Variants in HMCN2 observed in about 807,000 individuals in gnomAD.
HMCN2 encodes the protein hemicentin-2.
A neutral mutation model predicts 377.5 loss-of-function variants in HMCN2; 325 were observed. The observed-to-expected ratio is 0.86, with a 90% CI of 0.79 to 0.94. HMCN2 has a LOEUF of 0.94. Among genes scored for constraint, HMCN2 ranks in the 40% least tolerant of loss-of-function variants. HMCN2 has a pLI of 0.00. For synonymous variants in HMCN2, 2,007 were observed against 2,046.8 expected (o/e 0.98, Z 0.53); for missense variants, 4,543 against 4,725.3 (o/e 0.96, Z 1.13).
At chr9:130,390,331 C>A (rs1842244496) in intron 62 of HMCN2, among the ~76,000 whole-genome samples, 1 of 151,916 alleles carries the variant, frequency 6.6e-6, no homozygotes, top group Admixed American at 6.6e-5. Context: ...TGTTTCATGG[C>A]CCCCACCCCC....
intron 36 of HMCN2, among the ~76,000 whole-genome samples, chr9:130,359,082 G>C (rs751153456): frequency 2.6e-5 from 4 of 152,196 alleles, no homozygotes; most frequent in Non-Finnish European, 4.4e-5. Flanking sequence ...GGCGTCGGCT[G>C]TCCTGGGGTG....
At position 130,393,120 on chromosome 9, in the gene HMCN2, G is replaced by A. The variant is rs1021449331; in HGVS notation, c.10137-92G>A. 17 of 828,160 alleles carry A rather than the reference G, an allele frequency of 2.1e-5. No homozygotes were observed. In the South Asian group the frequency reaches 6.6e-4, roughly 32 times the overall value. The allele number at this position is 828,160 out of a possible 1,614,324, so 51.3% of individuals were successfully genotyped here. On this transcript the variant is annotated intron_variant, in intron 66 of 97. Coordinates refer to ENST00000683500, the MANE Select transcript of HMCN2 (RefSeq NM_001291815.2). This position sits in a 1 kb window ranked among gnomAD's most constrained non-coding sequence, Gnocchi z 5.2. ...TGGAAAAGGGAGGAAGTCTTTCCAC[G>A]CAGCCAGCCTCTCCTGTCTCTCTCC...
At chr9:130,293,093 G>A (rs1458766039) in intron 4 of HMCN2, among the ~76,000 whole-genome samples, 1 of 151,664 alleles carries the variant, frequency 6.6e-6, no homozygotes, top group Non-Finnish European at 1.5e-5. Flanking sequence ...ATTTCACATT[G>A]TAGATCTTTT....
At position 130,421,971 on chromosome 9, in the gene HMCN2, G is replaced by A. The variant is rs115588448; in HGVS notation, c.13232-606G>A. ...CATCTGCCTAAACAAGACAGCTGGC[G>A]CATTAGTCAGAGGAAGCACCCCCCT... On this transcript the variant is annotated intron_variant, in intron 86 of 97. Coordinates refer to ENST00000683500, the MANE Select transcript of HMCN2 (RefSeq NM_001291815.2). Among the ~76,000 whole-genome samples, 8 of 152,346 alleles carry A rather than the reference G, an allele frequency of 5.3e-5. 1 individual carries two copies. Among genetic ancestry groups the A allele is most frequent in the Non-Finnish European group, 8.8e-5 (6 of 68,040 alleles).
intron 19 of HMCN2, among the ~76,000 whole-genome samples, chr9:130,324,648 G>A (rs1838031672): frequency 6.6e-6 from 1 of 151,544 alleles, no homozygotes; most frequent in Admixed American, 6.6e-5. Context: ...TTTTTGAGAT[G>A]GAGTCTCACT....
chr9:130,401,885 G>A (rs928102294), intron 77 of HMCN2, among the ~76,000 whole-genome samples: 1 of 152,038 alleles, frequency 6.6e-6, no homozygotes, highest in African/African-American at 2.4e-5. Flanking sequence ...ACCAGCCTGG[G>A]CAACACAGCA....
rs774736894 is a variant in HMCN2, at chr9:130,422,892, C to T, written c.13381+166C>T. Among the ~76,000 whole-genome samples, 4 of 152,164 alleles carry T rather than the reference C, an allele frequency of 2.6e-5. No individual in the cohort carries two copies. The highest frequency in any genetic ancestry group is 5.9e-5 in the Non-Finnish European group (4 of 68,038). ...CCATCTCTCAAAGCTGAGTGCAATC[C>T]AAAGTGGACTCAGATGCAGGCAACT... On this transcript the variant is annotated intron_variant, in intron 87 of 97. Transcript: ENST00000683500. This position sits in a 1 kb window ranked among gnomAD's most constrained non-coding sequence, Gnocchi z 4.2.
intron 15 of HMCN2, among the ~76,000 whole-genome samples, chr9:130,313,601 C>CCA (rs1379382142): frequency 2.2e-4 from 4 of 18,076 alleles, no homozygotes; most frequent in African/African-American, 4.5e-4. Context: ...CATGTGGGCA[C>CCA]CCCCCCCCAT....
At chr9:130,335,118 A>G (rs1384296014) in intron 22 of HMCN2, among the ~76,000 whole-genome samples, 11 of 152,126 alleles carry the variant, frequency 7.2e-5, no homozygotes, top group Non-Finnish European at 1.5e-4. Context: ...GCTGCACAGC[A>G]TGTCTGAAGC....
rs2131532324 is a variant in HMCN2 at position 130,353,324 on chromosome 9, G to A, written c.4864+119G>A. ...CACTTGGAGTGGTCAGAGGCAAAAGGATAATGGGACCAAGACATTATCTAG... is the reference window on the plus strand; with the variant it reads ...CACTTGGAGTGGTCAGAGGCAAAAGAATAATGGGACCAAGACATTATCTAG... On this transcript the variant is annotated intron_variant, in intron 31 of 97. Transcript: ENST00000683500. 1.4e-5 allele frequency: 12 copies of A among 842,072 alleles called. No homozygotes were observed. The South Asian group carries it at 1.6e-4, about 11-fold the overall frequency. 52.2% of individuals were successfully genotyped at this position (842,072 alleles called of 1,614,324 possible).
chr9:130,307,301 G>A (rs113686213), intron 13 of HMCN2, among the ~76,000 whole-genome samples, 152 bp from the exon 14 acceptor site: 77 of 152,236 alleles, frequency 5.1e-4, no homozygotes, highest in African/African-American at 1.7e-3. Context: ...TGGAGGGACC[G>A]GGAGGGGGCA....
At chr9:130,411,196 C>T (rs1588419394) in intron 85 of HMCN2, among the ~76,000 whole-genome samples, 1 of 135,988 alleles carries the variant, frequency 7.4e-6, no homozygotes, top group East Asian at 1.9e-4. Context: ...TAATCACTGT[C>T]CTGGATTCTG....
intron 53 of HMCN2, 65 bp from the exon 54 acceptor site, chr9:130,379,184 G>A (rs528246273): frequency 2.2e-5 from 11 of 491,764 alleles, no homozygotes; most frequent in Middle Eastern, 1.0e-3. Flanking sequence ...GAGAATCTCC[G>A]TGAGCAGAGG....
In HMCN2 at chr9:130,303,492, C is replaced by T. The variant is rs782127419; in HGVS notation, c.1427C>T (p.Ser476Leu). The T allele has an allele frequency of 2.5e-4, 114 of 449,550 alleles. 1 individual carries two copies. The highest frequency in any genetic ancestry group is 8.8e-4 in the South Asian group (55 of 62,440). 27.8% of individuals were successfully genotyped at this position (449,550 alleles called of 1,614,324 possible). A position where few individuals can be genotyped will look rare whatever the true frequency, so the allele number is the denominator to read the frequency against. ...CCACTGTTCCCTGTTTGCAGGGAGT[C>T]GGGAAACAGCAGCTGGGAGATCCTG... is the stretch of plus-strand genomic sequence containing the variant. ...RLGEERHFQE[S>L]GNSSWEILRA... Residue 476 changes from serine to leucine, a missense_variant, in exon 10 of 98, where the codon TCG becomes TTG. Physicochemically the swap from Ser to Leu is moderately radical, Grantham distance 145 (BLOSUM62 -2). This residue lies in a region of HMCN2 where 547 missense variants were observed against 189.9 expected (regional missense o/e 2.88). Coordinates refer to ENST00000683500, the MANE Select transcript of HMCN2 (RefSeq NM_001291815.2). The surrounding 1 kb of genome is among the most constrained non-coding windows in gnomAD (Gnocchi z 5.2).
At chr9:130,312,071 C>T (rs1466913792) in intron 15 of HMCN2, among the ~76,000 whole-genome samples, 3 of 152,176 alleles carry the variant, frequency 2.0e-5, no homozygotes, top group Admixed American at 6.5e-5. Flanking sequence ...GGAGATGGAA[C>T]GATCATCATC....
In HMCN2 at chr9:130,349,640, G is replaced by A; in HGVS notation, c.4407G>A (p.Gln1469=). The change falls in exon 29 of 98, where the codon CAG becomes CAA. Residue 1469 remains glutamine (Q), a synonymous_variant. Coordinates refer to ENST00000683500, the MANE Select transcript of HMCN2 (RefSeq NM_001291815.2). ...GGACCTCAGGGGTCCCCACGCCCCA[G>A]GTGGAGTGGACCAAGGACAGGCAGT... ...QCWTSGVPTP[Q]VEWTKDRQPV... is the part of the protein sequence containing the mutation. 7.7e-7 allele frequency: 1 copy of A among 1,304,074 alleles called. No individual in the cohort carries two copies. The highest frequency in any genetic ancestry group is 1.0e-6 in the Non-Finnish European group (1 of 988,816). 80.8% of individuals were successfully genotyped at this position (1,304,074 alleles called of 1,614,324 possible). A position where few individuals can be genotyped will look rare whatever the true frequency, so the allele number is the denominator to read the frequency against.
intron 46 of HMCN2, among the ~76,000 whole-genome samples, chr9:130,371,426 A>AAC (rs56330175): frequency 1.3e-5 from 2 of 151,404 alleles, no homozygotes; most frequent in Non-Finnish European, 2.9e-5. Flanking sequence ...AAAAAAAAAA[A>AAC]CAAACTTTGG....
At chr9:130,399,175 C>A (rs1193542108) in intron 75 of HMCN2, among the ~76,000 whole-genome samples, 1 of 150,478 alleles carries the variant, frequency 6.6e-6, no homozygotes, top group Admixed American at 6.7e-5. Flanking sequence ...ATCCCCTGAG[C>A]CTGGGAGGTT....
At position 130,418,862 on chromosome 9, in the gene HMCN2, C is replaced by T; in HGVS notation, c.13052C>T (p.Thr4351Ile). 1 of 1,549,522 alleles carries T rather than the reference C, an allele frequency of 6.5e-7. No homozygotes were observed. Among genetic ancestry groups the T allele is most frequent in the South Asian group, 1.2e-5 (1 of 83,926 alleles). ...ALRCQATGEP[T>I]PTIEWLQAGQ... The stretch of plus-strand genomic sequence containing the variant: ...CGGTGCCAGGCCACTGGAGAGCCCA[C>T]ACCCACCATTGAATGGCTACAGGCG... The change falls in exon 86 of 98, where the codon ACA becomes ATA. Residue 4351 changes from threonine (T) to isoleucine (I), a missense_variant. This residue lies in a region of HMCN2 where 1,155 missense variants were observed against 1,157.7 expected (regional missense o/e 1.00). Coordinates refer to ENST00000683500, the MANE Select transcript of HMCN2 (RefSeq NM_001291815.2).
Sources: gnomAD v4.1 joint callset for allele counts (sites outside exome capture counted in the v4.1 genomes callset) on GRCh38, gnomAD v4.1.1 for gene constraint, gnomAD v4.1.1 regional missense constraint, Gnocchi (gnomAD v3.1) non-coding constraint, MANE v1.5 for transcripts, NCBI Gene and HGNC (gene_info 2026-07-23, HGNC 2026-07-21) for gene names.